The following TBCA variants were observed in gnomAD, a reference collection of about 807,000 sequenced individuals.
The protein encoded by TBCA is tubulin folding cofactor A.
Under a neutral mutation model 15.8 loss-of-function variants are expected in TBCA, and 6 were observed. The ratio of observed to expected loss-of-function variants is 0.38; its 90% CI spans 0.21 to 0.75. The LOEUF is 0.75. TBCA is among the 30% of genes least tolerant of loss of function. TBCA has a pLI of 0.46. For missense variants in TBCA, 90 were observed against 131.2 expected, an observed-to-expected ratio of 0.69 and a Z score of 1.53; for synonymous variants, 32 against 42.3, an observed-to-expected ratio of 0.76 and a Z score of 0.94.
In TBCA at chr5:77,695,577, C is replaced by T. The variant is rs180849536; in HGVS notation, c.160-2225G>A. On this transcript the variant is annotated intron_variant, in intron 2 of 3. Coordinates refer to ENST00000380377, the MANE Select transcript of TBCA (RefSeq NM_004607.3). The stretch of plus-strand genomic sequence containing the variant: ...ATATTTTACCTTGGGACAATGAATT[C>T]CAACTGTCTGGAATAATTTTAAAAC... 4.8e-3 allele frequency among the ~76,000 whole-genome samples: 734 copies of T among 152,166 alleles called. 4 individuals are homozygous for T. The highest frequency in any genetic ancestry group is 0.014 in the Middle Eastern group (4 of 294).
intron 1 of TBCA, among the ~76,000 whole-genome samples, chr5:77,764,074 T>G (rs1354291144): frequency 4.6e-5 from 7 of 152,152 alleles, no homozygotes; most frequent in Non-Finnish European, 7.4e-5. Context: ...GAGTAAAAAT[T>G]TAGGGCTGAA....
intron 1 of TBCA, among the ~76,000 whole-genome samples, chr5:77,763,237 C>T (rs1747687851): frequency 6.6e-6 from 1 of 151,692 alleles, no homozygotes; most frequent in Non-Finnish European, 1.5e-5. Context: ...GAGCAAGACT[C>T]CGTCTCAAAA....
intron 1 of TBCA, among the ~76,000 whole-genome samples, chr5:77,766,437 G>A (rs1449056580): frequency 6.6e-6 from 1 of 151,944 alleles, no homozygotes; most frequent in African/African-American, 2.4e-5. Context: ...ATTTGAGGGT[G>A]GTTATTACTT....
chr5:77,776,126 G>C, intron 1 of TBCA, 79 bp downstream of exon 1: 12 of 1,531,654 alleles, frequency 7.8e-6, no homozygotes, highest in Non-Finnish European at 1.1e-5. Flanking sequence ...GGCCTCCTCG[G>C]GCCTGCGCTC....
intron 1 of TBCA, among the ~76,000 whole-genome samples, chr5:77,717,893 G>GCTGAGGCCGGCAGATCAC (rs1376397698): frequency 2.0e-5 from 3 of 152,114 alleles, no homozygotes; most frequent in African/African-American, 7.2e-5. Context: ...ACTTTGGGAG[G>GCTGAGGCCGGCAGATCAC]CTGAGGCCGG....
chr5:77,761,997 T>C (rs1252851304), intron 1 of TBCA, among the ~76,000 whole-genome samples: 2 of 152,222 alleles, frequency 1.3e-5, no homozygotes, highest in Non-Finnish European at 2.9e-5. Flanking sequence ...TCAGTTTCTG[T>C]GGCCAGGAAA....
At chr5:77,745,092 G>A (rs1018338892) in intron 1 of TBCA, among the ~76,000 whole-genome samples, 5 of 152,086 alleles carry the variant, frequency 3.3e-5, no homozygotes, top group Non-Finnish European at 7.4e-5. Flanking sequence ...TGTAGATAAC[G>A]GCACACAGTG....
chr5:77,753,166 A>C (rs1747393647), intron 1 of TBCA, among the ~76,000 whole-genome samples: 1 of 152,206 alleles, frequency 6.6e-6, no homozygotes, highest in Non-Finnish European at 1.5e-5. Flanking sequence ...GTTTTAATTT[A>C]ACAAAACATG....
chr5:77,766,205 G>A (rs911723074), intron 1 of TBCA, among the ~76,000 whole-genome samples: 2 of 152,018 alleles, frequency 1.3e-5, no homozygotes, highest in African/African-American at 4.8e-5. Flanking sequence ...CACAAACACA[G>A]ACCCCTCTAT....
In TBCA at chr5:77,776,242, C is replaced by G. The variant is rs142821556; in HGVS notation, c.16G>C (p.Val6Leu). The change falls in exon 1 of 4, where the codon GTG (valine) becomes CTG (leucine). Residue 6 changes from valine (V) to leucine (L), a missense_variant. By Grantham distance (32) the Val-to-Leu change is conservative (BLOSUM62 1). Coordinates refer to ENST00000380377, the MANE Select transcript of TBCA (RefSeq NM_004607.3). ...CCGGTCTTGATCTTGATCTGTCTCA[C>G]GCGAGGATCGGCCATGGTCCCTCGA... MADPRVRQIKIKTGVV... is the reference protein window; with the variant it reads MADPRLRQIKIKTGVV... The G allele has an allele frequency of 6.8e-5, 107 of 1,579,390 alleles. No homozygotes were observed. The highest frequency in any genetic ancestry group is 8.5e-5 in the Non-Finnish European group (99 of 1,163,676).
At chr5:77,691,780 C>A in intron 3 of TBCA, 7 of 1,055,990 alleles carry the variant, frequency 6.6e-6, no homozygotes, top group Non-Finnish European at 8.0e-6. Context: ...TAAATAAAAA[C>A]CTCAGAAAAA....
At chr5:77,758,770 T>C (rs1436397360) in intron 1 of TBCA, among the ~76,000 whole-genome samples, 1 of 152,250 alleles carries the variant, frequency 6.6e-6, no homozygotes, top group East Asian at 1.9e-4. Context: ...TTCTTCCTTC[T>C]TCCAGTGGAA....
intron 1 of TBCA, among the ~76,000 whole-genome samples, chr5:77,764,870 T>A (rs1473575002): frequency 6.6e-6 from 1 of 152,146 alleles, no homozygotes; most frequent in Non-Finnish European, 1.5e-5. Context: ...GAAAACATCT[T>A]GCTTGATGTG....
intron 1 of TBCA, among the ~76,000 whole-genome samples, chr5:77,724,559 G>T (rs1561271353): frequency 6.6e-6 from 1 of 152,052 alleles, no homozygotes; most frequent in Non-Finnish European, 1.5e-5. Flanking sequence ...TGGTATAAGG[G>T]CATCATATTT....
rs770968638 is a variant in TBCA at position 77,713,144 on chromosome 5, A to T, written c.54-4797T>A. Reference sequence around the variant, plus strand: ...TTTTGTCTCTACAAAAAATTTTTAAAAATTAGCCAGGCGTGGTGGCATGCC... The same window carrying T: ...TTTTGTCTCTACAAAAAATTTTTAATAATTAGCCAGGCGTGGTGGCATGCC... On this transcript the variant is annotated intron_variant, in intron 1 of 3. Coordinates refer to ENST00000380377, the MANE Select transcript of TBCA (RefSeq NM_004607.3). Among the ~76,000 whole-genome samples the T allele has an allele frequency of 9.3e-4, 142 of 152,096 alleles. 1 individual carries two copies. Among genetic ancestry groups the T allele is most frequent in the Admixed American group, 2.2e-3 (33 of 15,260 alleles).
intron 2 of TBCA, among the ~76,000 whole-genome samples, chr5:77,694,703 A>G (rs1341458144): frequency 2.6e-5 from 4 of 152,226 alleles, no homozygotes; most frequent in African/African-American, 9.6e-5. Flanking sequence ...ATTAACGGTA[A>G]TAATACTATA....
At chr5:77,695,751 A>C (rs1745857479) in intron 2 of TBCA, among the ~76,000 whole-genome samples, 1 of 152,234 alleles carries the variant, frequency 6.6e-6, no homozygotes, top group Non-Finnish European at 1.5e-5. Context: ...GTCAATTGTC[A>C]GTTTATTCTA....
At chr5:77,748,657 T>C (rs1747244454) in intron 1 of TBCA, among the ~76,000 whole-genome samples, 1 of 152,186 alleles carries the variant, frequency 6.6e-6, no homozygotes, top group African/African-American at 2.4e-5. Flanking sequence ...TCTTGTACAG[T>C]TGACCCTTAA....
chr5:77,700,680 G>C (rs528263401), intron 2 of TBCA, among the ~76,000 whole-genome samples: 1 of 152,146 alleles, frequency 6.6e-6, no homozygotes, highest in Non-Finnish European at 1.5e-5. Context: ...AAAACCACAC[G>C]AATACAACCT....
Sources: gnomAD v4.1 joint callset for allele counts (sites outside exome capture counted in the v4.1 genomes callset) on GRCh38, gnomAD v4.1.1 for gene constraint, MANE v1.5 for transcripts, NCBI Gene and HGNC (gene_info 2026-07-23, HGNC 2026-07-21) for gene names.